NLGN1: variants seen among roughly 807,000 people sequenced by gnomAD.
NLGN1 encodes the protein neuroligin-1.
A neutral mutation model predicts 65.5 loss-of-function variants in NLGN1; 12 were observed. That is an observed-to-expected ratio of 0.18 (90% CI 0.12 to 0.30). The LOEUF is 0.30. Ranked by LOEUF, NLGN1 falls within the 10% of genes least tolerant of loss-of-function variation. The pLI, the probability that NLGN1 is intolerant of heterozygous loss-of-function variation, is 1.00. For synonymous variants in NLGN1, 350 were observed against 359.5 expected, an observed-to-expected ratio of 0.97 and a Z score of 0.30; for missense variants, 750 against 1,007.1, an observed-to-expected ratio of 0.74 and a Z score of 3.46.
chr3:173,560,376 A>G (rs1284409698), intron 2 of NLGN1, among the ~76,000 whole-genome samples: 1 of 152,140 alleles, frequency 6.6e-6, no homozygotes, highest in African/African-American at 2.4e-5. Context: ...AGGAAGGAAG[A>G]AAGAGAAGGA....
intron 4 of NLGN1, among the ~76,000 whole-genome samples, chr3:174,203,243 CA>C (rs1343361306): frequency 3.3e-5 from 5 of 152,128 alleles, no homozygotes; most frequent in African/African-American, 1.2e-4. Flanking sequence ...TGCAGTCTCT[CA>C]AAGGTTAAAA....
At chr3:173,426,285 A>G (rs1716088842) in intron 1 of NLGN1, among the ~76,000 whole-genome samples, 1 of 152,064 alleles carries the variant, frequency 6.6e-6, no homozygotes. Context: ...AACAAGGACA[A>G]TTTGACTTCT....
At chr3:173,449,297 T>G (rs1238453040) in intron 2 of NLGN1, among the ~76,000 whole-genome samples, 2 of 152,216 alleles carry the variant, frequency 1.3e-5, no homozygotes, top group Non-Finnish European at 2.9e-5. Flanking sequence ...AACATCTTTA[T>G]TTCTGCCTTC....
intron 4 of NLGN1, among the ~76,000 whole-genome samples, chr3:174,077,341 C>T (rs894611942): frequency 6.6e-6 from 1 of 152,100 alleles, no homozygotes; most frequent in Non-Finnish European, 1.5e-5. Context: ...GAGTTTAATG[C>T]ACTACTAGAA....
intron 5 of NLGN1, among the ~76,000 whole-genome samples, chr3:174,278,575 A>G (rs998343230): frequency 1.3e-5 from 2 of 151,848 alleles, no homozygotes; most frequent in Non-Finnish European, 2.9e-5. Flanking sequence ...CATATTTGGG[A>G]CTTTTTACCA....
intron 4 of NLGN1, among the ~76,000 whole-genome samples, chr3:173,960,180 T>C (rs1010205517): frequency 6.6e-6 from 1 of 152,094 alleles, no homozygotes; most frequent in Non-Finnish European, 1.5e-5. Flanking sequence ...ACTTTTCTTC[T>C]TTACAGTGTA....
chr3:174,116,324 GGTTTTCTTTTTT>G lies in NLGN1; in HGVS notation c.647-158990_647-158979del, dbSNP rs1275878269. Among the ~76,000 whole-genome samples, 8 of 102,836 alleles carry G rather than the reference GGTTTTCTTTTTT, an allele frequency of 7.8e-5. 1 individual carries two copies. In the East Asian group the frequency reaches 1.7e-3, roughly 22 times the overall value. The allele number at this position is 102,836 out of a possible 152,430, so 67.5% of individuals were successfully genotyped here. A position where few individuals can be genotyped will look rare whatever the true frequency, so the allele number is the denominator to read the frequency against. On this transcript the variant is annotated intron_variant, in intron 4 of 6. Transcript: ENST00000457714. Reference sequence around the variant, plus strand: ...ATTGTGACATGTAAGTTTTTTTCTGGGTTTTCTTTTTTTTTTTTTTTTTTTTTTTTTTTGAGA... The same window carrying G: ...ATTGTGACATGTAAGTTTTTTTCTGGTTTTTTTTTTTTTTTTTTTTTGAGA...
At chr3:174,197,751 CGTGTGTGT>C (rs71162378) in intron 4 of NLGN1, among the ~76,000 whole-genome samples, 1 of 141,736 alleles carries the variant, frequency 7.1e-6, no homozygotes, top group East Asian at 2.1e-4. Context: ...CCCATTATCT[CGTGTGTGT>C]GTGTGTGTGT....
chr3:173,840,782 T>A (rs1372455586), intron 4 of NLGN1, among the ~76,000 whole-genome samples: 1 of 152,200 alleles, frequency 6.6e-6, no homozygotes, highest in East Asian at 1.9e-4. Flanking sequence ...ATTATGTACC[T>A]AGTTATTATC....
chr3:174,202,779 T>C (rs1734710946), intron 4 of NLGN1: 1 of 152,174 alleles, frequency 6.6e-6, no homozygotes, highest in South Asian at 2.1e-4. Flanking sequence ...GAAAATCTGT[T>C]ATTCAAGAAT....
At position 174,203,756 on chromosome 3, in the gene NLGN1, T is replaced by C. The variant is rs141992840; in HGVS notation, c.647-71559T>C. On this transcript the variant is annotated intron_variant, in intron 4 of 6. Coordinates refer to ENST00000457714, the Ensembl canonical transcript of NLGN1. ...GATCTTTTCCATAGATACATATTTT[T>C]CATAAGGTATATTTCTTCAGAATTT... 5.8e-3 allele frequency among the ~76,000 whole-genome samples: 888 copies of C among 152,350 alleles called. 24 individuals carry two copies. The highest frequency in any genetic ancestry group is 0.029 in the East Asian group (152 of 5,186).
intron 4 of NLGN1, among the ~76,000 whole-genome samples, chr3:173,906,184 C>G (rs1470572600): frequency 6.6e-6 from 1 of 152,196 alleles, no homozygotes; most frequent in Non-Finnish European, 1.5e-5. Flanking sequence ...GTTAGTGCCA[C>G]AGTCAGAATT....
intron 4 of NLGN1, among the ~76,000 whole-genome samples, chr3:174,182,720 T>G (rs1315972912): frequency 6.6e-6 from 1 of 152,130 alleles, no homozygotes; most frequent in Non-Finnish European, 1.5e-5. Flanking sequence ...AATGATACAA[T>G]GGAAAACTCT....
intron 4 of NLGN1, among the ~76,000 whole-genome samples, chr3:173,977,379 G>A (rs545981333): frequency 8.8e-4 from 134 of 152,060 alleles, no homozygotes; most frequent in Non-Finnish European, 1.2e-4. Flanking sequence ...GGATCATGGC[G>A]AAGGACAGAC....
chr3:173,773,492 C>T (rs1004123855), intron 3 of NLGN1, among the ~76,000 whole-genome samples: 6 of 151,930 alleles, frequency 3.9e-5, no homozygotes, highest in Admixed American at 1.3e-4. Flanking sequence ...ATTCATATGT[C>T]GTTTTAAAAA....
At chr3:173,828,220 T>A (rs1235399271) in intron 4 of NLGN1, among the ~76,000 whole-genome samples, 2 of 152,170 alleles carry the variant, frequency 1.3e-5, no homozygotes, top group African/African-American at 4.8e-5. Context: ...TGCTGTCACA[T>A]CATGTGGACA....
chr3:174,154,980 TTATATTA>T (rs1326504847), intron 4 of NLGN1, among the ~76,000 whole-genome samples: 1 of 122,272 alleles, frequency 8.2e-6, no homozygotes, highest in Non-Finnish European at 1.7e-5. Flanking sequence ...ATATAATATA[TTATATTA>T]TATATTATAT....
intron 4 of NLGN1, among the ~76,000 whole-genome samples, chr3:174,024,615 A>G (rs566142812): frequency 1.3e-5 from 2 of 152,314 alleles, no homozygotes; most frequent in South Asian, 4.2e-4. Context: ...AAAGAATAAC[A>G]TAAAATAAAT....
At chr3:173,728,827 G>A (rs1466244113) in intron 3 of NLGN1, among the ~76,000 whole-genome samples, 1 of 152,016 alleles carries the variant, frequency 6.6e-6, no homozygotes, top group African/African-American at 2.4e-5. Context: ...GTCTTCAGAG[G>A]GAGTATGGCC....
Sources: gnomAD v4.1 joint callset for allele counts (sites outside exome capture counted in the v4.1 genomes callset) on GRCh38, gnomAD v4.1.1 for gene constraint, MANE v1.5 for transcripts, NCBI Gene and HGNC (gene_info 2026-07-23, HGNC 2026-07-21) for gene names.